Variants in HDAC4 observed in about 807,000 individuals in gnomAD.
The protein encoded by HDAC4 is histone deacetylase 4.
HDAC4 carries 16 observed loss-of-function variants against 135.1 expected under a neutral mutation model. The ratio of observed to expected loss-of-function variants is 0.12; its 90% CI spans 0.08 to 0.18. The LOEUF is 0.18. Among genes scored for constraint, HDAC4 ranks in the 10% least tolerant of loss-of-function variants. HDAC4 has a pLI of 1.00. For synonymous variants in HDAC4, 685 were observed against 653.4 expected (o/e 1.05, Z -0.74); for missense variants, 1,143 against 1,511.8 (o/e 0.76, Z 4.05).
intron 25 of HDAC4, 136 bp from the exon 26 acceptor site, chr2:239,053,737 A>G (rs2031282636): frequency 2.9e-6 from 2 of 698,226 alleles, no homozygotes; most frequent in East Asian, 2.7e-5. Flanking sequence ...CCGTCTTTGA[A>G]GAGACACGAA....
chr2:239,221,038 C>CGAAT (rs2046921405), intron 3 of HDAC4, among the ~76,000 whole-genome samples: 1 of 152,198 alleles, frequency 6.6e-6, no homozygotes, highest in South Asian at 2.1e-4. Context: ...TCAGCTCATT[C>CGAAT]TGCGGGCGGT....
intron 2 of HDAC4, among the ~76,000 whole-genome samples, chr2:239,290,139 C>T (rs1247499462): frequency 6.6e-6 from 1 of 152,180 alleles, no homozygotes; most frequent in South Asian, 2.1e-4. Flanking sequence ...GAAAAATTCA[C>T]TCAAGTCTTG....
chr2:239,054,670 TA>T, intron 25 of HDAC4, 78 bp downstream of exon 25: 1 of 905,840 alleles, frequency 1.1e-6, no homozygotes, highest in Non-Finnish European at 1.9e-6. Flanking sequence ...GCTGGGGGTA[TA>T]GGGGGACAGG....
chr2:239,344,387 C>G lies in HDAC4; in HGVS notation c.22+8291G>C, dbSNP rs550112576. Among the ~76,000 whole-genome samples the G allele has an allele frequency of 2.0e-5, 3 of 152,274 alleles. No individual in the cohort carries two copies. The South Asian group carries it at 6.2e-4, about 32-fold the overall frequency. ...CAATAGTGGCTTTGAAAAAGGGACA[C>G]AAATGCAAATGTTCCACAAACTGTG... On this transcript the variant is annotated intron_variant, in intron 2 of 26. Coordinates refer to ENST00000543185, the MANE Select transcript of HDAC4 (RefSeq NM_001378414.1).
At chr2:239,318,510 T>C (rs4851971) in intron 2 of HDAC4, among the ~76,000 whole-genome samples, 85,666 of 151,836 alleles carry the variant, frequency 0.56, 25,165 homozygotes, top group East Asian at 0.86. Flanking sequence ...ATCACTAGAC[T>C]ATCAGCGAAA....
At chr2:239,282,305 C>A (rs1278514230) in intron 2 of HDAC4, among the ~76,000 whole-genome samples, 7 of 136,556 alleles carry the variant, frequency 5.1e-5, no homozygotes, top group Non-Finnish European at 3.2e-5. Flanking sequence ...CCACTCTACA[C>A]ACAATGTACA....
chr2:239,214,544 G>T lies in HDAC4; in HGVS notation c.94+22049C>A, dbSNP rs191387634. 1.2e-4 allele frequency among the ~76,000 whole-genome samples: 19 copies of T among 152,318 alleles called. No individual in the cohort carries two copies. In the East Asian group the frequency reaches 3.7e-3, roughly 29 times the overall value. On this transcript the variant is annotated intron_variant, in intron 3 of 26. Coordinates refer to ENST00000543185, the MANE Select transcript of HDAC4 (RefSeq NM_001378414.1). ...CACTCTGGCTCCTTGGCCGAGATCA[G>T]ACTAGAGGGGCAAGAACAGAATTGG...
In HDAC4 at chr2:239,068,307, C is replaced by T. The variant is rs62189533; in HGVS notation, c.2869+182G>A. On this transcript the variant is annotated intron_variant, in intron 23 of 26. Transcript: ENST00000543185. This position sits in a 1 kb window ranked among gnomAD's most constrained non-coding sequence, Gnocchi z 4.4. ...GGTGCCTGGGTCTGAGCTCCCGCTGCCTGCTCTGGGCTCTCTGGGGCCTCC... is the reference window on the plus strand; with the variant it reads ...GGTGCCTGGGTCTGAGCTCCCGCTGTCTGCTCTGGGCTCTCTGGGGCCTCC... Among the ~76,000 whole-genome samples the T allele has an allele frequency of 0.11, 17,217 of 152,214 alleles. 1,249 individuals carry two copies. Among genetic ancestry groups the T allele is most frequent in the Non-Finnish European group, 0.16 (10,908 of 67,968 alleles).
intron 3 of HDAC4, among the ~76,000 whole-genome samples, chr2:239,226,359 A>G (rs2047240052): frequency 6.6e-6 from 1 of 152,138 alleles, no homozygotes; most frequent in South Asian, 2.1e-4. Flanking sequence ...ATACTCAGTG[A>G]GATTTCTCTG....
At chr2:239,155,134 T>C in intron 7 of HDAC4, 1 of 151,170 alleles carries the variant, frequency 6.6e-6, no homozygotes, top group East Asian at 2.0e-4. Flanking sequence ...CCACTCCACC[T>C]GGGACGTGGC....
intron 22 of HDAC4, among the ~76,000 whole-genome samples, chr2:239,074,385 T>C (rs2152646238): frequency 6.6e-6 from 1 of 152,362 alleles, no homozygotes; most frequent in Non-Finnish European, 1.5e-5. Flanking sequence ...GCTGAGCTAT[T>C]TTACTTCTAA....
intron 1 of HDAC4, among the ~76,000 whole-genome samples, chr2:239,379,588 C>T (rs762236768): frequency 2.6e-5 from 4 of 152,114 alleles, no homozygotes; most frequent in Non-Finnish European, 5.9e-5. Flanking sequence ...CTCAGGGCAC[C>T]GGCTCCTGGC....
rs1306683854 is a variant in HDAC4, at chr2:239,303,435, C to T, written c.22+49243G>A. Among the ~76,000 whole-genome samples, 1 of 152,154 alleles carries T rather than the reference C, an allele frequency of 6.6e-6. No homozygotes were observed. Among genetic ancestry groups the T allele is most frequent in the East Asian group, 1.9e-4 (1 of 5,182 alleles). On this transcript the variant is annotated intron_variant, in intron 2 of 26. Transcript: ENST00000543185. This position sits in a 1 kb window ranked among gnomAD's most constrained non-coding sequence, Gnocchi z 5.1. ...CACCGAGCACTCGTGGTGTGGCCCACAGGGCATCCTGCGAGAGCGTCACAA... is the reference window on the plus strand; with the variant it reads ...CACCGAGCACTCGTGGTGTGGCCCATAGGGCATCCTGCGAGAGCGTCACAA...
intron 4 of HDAC4, among the ~76,000 whole-genome samples, chr2:239,184,031 C>A (rs1016437474): frequency 7.7e-6 from 1 of 130,338 alleles, no homozygotes. Flanking sequence ...CACACACACA[C>A]ACACAAGCAC....
At chr2:239,107,818 G>C (rs2038291185) in intron 15 of HDAC4, among the ~76,000 whole-genome samples, 1 of 152,190 alleles carries the variant, frequency 6.6e-6, no homozygotes, top group African/African-American at 2.4e-5. Flanking sequence ...ACAGACAGAG[G>C]CAGCAGCTTC....
chr2:239,153,799 T>C (rs912390943), intron 7 of HDAC4, among the ~76,000 whole-genome samples: 4 of 152,342 alleles, frequency 2.6e-5, no homozygotes, highest in African/African-American at 9.6e-5. Flanking sequence ...GAGACTTTGC[T>C]TCCAATCATC....
chr2:239,321,400 G>C (rs549028898), intron 2 of HDAC4, among the ~76,000 whole-genome samples: 2 of 144,750 alleles, frequency 1.4e-5, no homozygotes, highest in South Asian at 2.2e-4. Context: ...GGGAGACGGA[G>C]CTTGCAGCGA....
At chr2:239,276,684 CT>C (rs1384620607) in intron 2 of HDAC4, among the ~76,000 whole-genome samples, 1 of 151,912 alleles carries the variant, frequency 6.6e-6, no homozygotes, top group Non-Finnish European at 1.5e-5. Flanking sequence ...GGAACACTGC[CT>C]GCTGCCTGGA....
intron 12 of HDAC4, among the ~76,000 whole-genome samples, chr2:239,121,000 C>T (rs896189247): frequency 7.6e-5 from 11 of 144,784 alleles, no homozygotes; most frequent in Middle Eastern, 3.5e-3. Context: ...CTTTAAATTT[C>T]TTTTTTTTTT....
Sources: allele counts gnomAD v4.1 joint callset (sites outside exome capture counted in the v4.1 genomes callset), GRCh38; gene constraint gnomAD v4.1.1; non-coding constraint Gnocchi (gnomAD v3.1); transcripts MANE v1.5; gene names NCBI Gene and HGNC (gene_info 2026-07-23, HGNC 2026-07-21).